ANAPC5: variants seen among roughly 807,000 people sequenced by gnomAD.
ANAPC5 encodes anaphase promoting complex subunit 5.
Under a neutral mutation model 91.3 loss-of-function variants are expected in ANAPC5, and 60 were observed. That is an observed-to-expected ratio of 0.66 (90% CI 0.53 to 0.81). ANAPC5 has a LOEUF of 0.81. ANAPC5 is among the 40% of genes least tolerant of loss of function. The probability of loss-of-function intolerance (pLI) is 0.00; values close to 1 mark genes in which losing one functional copy is unlikely to be tolerated. For synonymous variants in ANAPC5, 340 were observed against 364.1 expected, an observed-to-expected ratio of 0.93 and a Z score of 0.75; for missense variants, 690 against 931.5, an observed-to-expected ratio of 0.74 and a Z score of 3.37.
intron 11 of ANAPC5, chr12:121,320,687 C>T (rs938640891): frequency 5.9e-6 from 2 of 337,636 alleles, no homozygotes; most frequent in African/African-American, 4.2e-5. Context: ...ATTGCAAGCT[C>T]CGCTTCCCGG....
Position 121,308,260 on chromosome 12 carries a change from C to A in ANAPC5, c.*220G>T. 3 of 521,266 alleles carry A rather than the reference C, an allele frequency of 5.8e-6. No homozygotes were observed. Among genetic ancestry groups the A allele is most frequent in the Non-Finnish European group, 6.9e-6 (2 of 289,658 alleles). The allele number at this position is 521,266 out of a possible 1,614,324, so 32.3% of individuals were successfully genotyped here. A position where few individuals can be genotyped will look rare whatever the true frequency, so the allele number is the denominator to read the frequency against. On this transcript the variant is annotated 3_prime_UTR_variant, in exon 17 of 17. Transcript: ENST00000261819. ...TTGCACTAACTTGTTAGCAAAATAC[C>A]CATTTATTAAGAAAAAGTTGGTGTC...
chr12:121,352,265 T>G lies in ANAPC5; in HGVS notation c.76A>C (p.Ile26Leu). The change falls in exon 1 of 17, where the codon ATC becomes CTC. Residue 26 changes from isoleucine to leucine, a missense_variant. Physicochemically the swap from Ile to Leu is conservative, Grantham distance 5 (BLOSUM62 2). This residue lies in a region of ANAPC5 where 238 missense variants were observed against 264.9 expected (regional missense o/e 0.90). Transcript: ENST00000261819. Reference protein sequence around the residue: ...NGVVHANVFGIKDWVTPYKIA... With the variant: ...NGVVHANVFGLKDWVTPYKIA... ...TTGTACGGCGTCACCCAGTCCTTGATGCCGAACACATTGGCGTGCACAACC... is the reference window on the plus strand; with the variant it reads ...TTGTACGGCGTCACCCAGTCCTTGAGGCCGAACACATTGGCGTGCACAACC... The G allele has an allele frequency of 6.2e-7, 1 of 1,614,120 alleles. No homozygotes were observed. Among genetic ancestry groups the G allele is most frequent in the Admixed American group, 1.7e-5 (1 of 60,020 alleles).
At chr12:121,317,733 TTTAA>T (rs1477362479) in intron 15 of ANAPC5, among the ~76,000 whole-genome samples, 13 of 152,242 alleles carry the variant, frequency 8.5e-5, no homozygotes, top group Non-Finnish European at 4.4e-5. Flanking sequence ...GAACCTCCAC[TTTAA>T]TTAATAAATT....
chr12:121,308,565 T>C lies in ANAPC5; in HGVS notation c.2183A>G (p.Gln728Arg). ...GAGCATCGCACACCGGTTCCTCTCCTGGGTCTTCCCCAGGGTATGGTAGAG... is the reference window on the plus strand; with the variant it reads ...GAGCATCGCACACCGGTTCCTCTCCCGGGTCTTCCCCAGGGTATGGTAGAG... ...ARLYHTLGKT[Q>R]ERNRCAMLFR... is the part of the protein sequence containing the mutation. The change falls in exon 17 of 17, where the codon CAG becomes CGG. Residue 728 changes from glutamine to arginine, a missense_variant. Physicochemically the swap from Gln to Arg is conservative, Grantham distance 43 (BLOSUM62 1). This residue lies in a region of ANAPC5 where 317 missense variants were observed against 438.7 expected (regional missense o/e 0.72). Coordinates refer to ENST00000261819, the MANE Select transcript of ANAPC5 (RefSeq NM_016237.5). The C allele has an allele frequency of 6.2e-7, 1 of 1,614,164 alleles. No individual in the cohort carries two copies. Among genetic ancestry groups the C allele is most frequent in the South Asian group, 1.1e-5 (1 of 91,084 alleles).
intron 15 of ANAPC5, among the ~76,000 whole-genome samples, chr12:121,312,857 G>A (rs1316351268): frequency 6.6e-6 from 1 of 151,208 alleles, no homozygotes; most frequent in African/African-American, 2.4e-5. Flanking sequence ...TCCAACCTGG[G>A]TGACAGAGCA....
chr12:121,341,291 G>A, intron 5 of ANAPC5, among the ~76,000 whole-genome samples: 1 of 152,180 alleles, frequency 6.6e-6, no homozygotes, highest in East Asian at 1.9e-4. Context: ...CCAATGTGGT[G>A]AAACCCCATC....
At chr12:121,339,800 C>G (rs1903373414) in intron 5 of ANAPC5, among the ~76,000 whole-genome samples, 1 of 151,722 alleles carries the variant, frequency 6.6e-6, no homozygotes, top group South Asian at 2.1e-4. Context: ...AAAACAAGTC[C>G]TGACATGGAG....
chr12:121,337,048 T>C (rs903287817), intron 6 of ANAPC5, among the ~76,000 whole-genome samples: 4 of 152,046 alleles, frequency 2.6e-5, no homozygotes, highest in Non-Finnish European at 5.9e-5. Context: ...TGAAACCCCA[T>C]CTCTACTAAA....
intron 13 of ANAPC5, among the ~76,000 whole-genome samples, 198 bp from the exon 14 acceptor site, chr12:121,318,806 G>A (rs572357516): frequency 6.6e-6 from 1 of 152,228 alleles, no homozygotes; most frequent in African/African-American, 2.4e-5. Flanking sequence ...GAATCACAAG[G>A]TTAGGAGCTC....
intron 15 of ANAPC5, 175 bp downstream of exon 15, chr12:121,318,102 A>T (rs761831127): frequency 4.3e-5 from 28 of 651,018 alleles, no homozygotes; most frequent in Non-Finnish European, 6.0e-5. Flanking sequence ...TCAGTTTGTC[A>T]CCAGGTTCAC....
intron 8 of ANAPC5, 37 bp from the exon 9 acceptor site, chr12:121,330,709 G>A: frequency 2.6e-6 from 4 of 1,532,552 alleles, no homozygotes; most frequent in Non-Finnish European, 3.6e-6. Context: ...TCATAACAGT[G>A]GCAATGGCTG....
intron 4 of ANAPC5, among the ~76,000 whole-genome samples, chr12:121,343,038 G>A (rs764030245): frequency 6.6e-5 from 10 of 151,972 alleles, no homozygotes; most frequent in South Asian, 2.1e-4. Context: ...CAATTTTCAC[G>A]ATGAAATTCA....
intron 7 of ANAPC5, 113 bp downstream of exon 7, chr12:121,335,420 C>T: frequency 8.1e-7 from 1 of 1,233,010 alleles, no homozygotes; most frequent in Non-Finnish European, 1.1e-6. Context: ...CCCGCCTTGG[C>T]CTCCCAAAGT....
intron 1 of ANAPC5, chr12:121,351,190 G>T: frequency 2.5e-6 from 1 of 392,744 alleles, no homozygotes; most frequent in Non-Finnish European, 5.1e-6. Flanking sequence ...GGGTAACATG[G>T]CAAAATCCCG....
At chr12:121,353,856 A>G (rs377282055), upstream of ANAPC5, among the ~76,000 whole-genome samples, 2 of 151,926 alleles carry the variant, frequency 1.3e-5, no homozygotes, top group African/African-American at 2.4e-5. Flanking sequence ...GCCTCCAGTT[A>G]AAGTAGGTAA....
At position 121,340,144 on chromosome 12, in the gene ANAPC5, C is replaced by T. The variant is rs1903389577; in HGVS notation, c.657+1859G>A. Among the ~76,000 whole-genome samples the T allele has an allele frequency of 2.6e-5, 4 of 151,684 alleles. No homozygotes were observed. In the South Asian group the frequency reaches 8.4e-4, roughly 32 times the overall value. On this transcript the variant is annotated intron_variant, in intron 5 of 16. Transcript: ENST00000261819. ...CCAGCCTGCCCAACATGGCAAAATC[C>T]CGTCTCTACTAAAAACACAAAAAAT...
upstream of ANAPC5, among the ~76,000 whole-genome samples, chr12:121,352,712 T>C (rs1028894339): frequency 2.5e-4 from 5 of 19,852 alleles, no homozygotes; most frequent in Admixed American, 2.1e-3. Context: ...TTGTTGGTTG[T>C]TGTTGTTGGT....
Position 121,352,202 on chromosome 12 carries a change from T to C in ANAPC5, c.139A>G (p.Thr47Ala), listed in dbSNP as rs1555275468. The C allele has an allele frequency of 1.9e-6, 3 of 1,613,914 alleles. No individual in the cohort carries two copies. The African/African-American group carries it at 4.0e-5, about 22-fold the overall frequency. Residue 47 changes from threonine to alanine, a missense_variant, in exon 1 of 17, where the codon ACA becomes GCA. Thr to Ala is a moderately conservative substitution (Grantham distance 58, BLOSUM62 0). This residue lies in a region of ANAPC5 where 238 missense variants were observed against 264.9 expected (regional missense o/e 0.90). Coordinates refer to ENST00000261819, the MANE Select transcript of ANAPC5 (RefSeq NM_016237.5). ...ATGAGGCTGACGGCGCCCTCGCCTG[T>C]GCGGCTCATCTCGTTCAGCAGCACC... ...VLVLLNEMSR[T>A]GEGAVSLMER...
chr12:121,337,457 A>C (rs1903287417), intron 5 of ANAPC5, 65 bp from the exon 6 acceptor site: 2 of 1,188,800 alleles, frequency 1.7e-6, no homozygotes, highest in Admixed American at 3.7e-5. Flanking sequence ...AAGATATACT[A>C]ACTAGCATCA....
Sources: gnomAD v4.1 joint callset for allele counts (sites outside exome capture counted in the v4.1 genomes callset) on GRCh38, gnomAD v4.1.1 for gene constraint, gnomAD v4.1.1 regional missense constraint, MANE v1.5 for transcripts, NCBI Gene and HGNC (gene_info 2026-07-23, HGNC 2026-07-21) for gene names.